Variants in R3HCC1L observed in about 807,000 individuals in gnomAD.
R3HCC1L encodes the protein R3H domain and coiled-coil containing 1 like, also known as coiled-coil domain-containing protein R3HCC1L.
In R3HCC1L, 51 loss-of-function variants were observed where a neutral mutation model predicts 59.9. The ratio of observed to expected loss-of-function variants is 0.85; its 90% CI spans 0.68 to 1.07. The LOEUF is 1.07. R3HCC1L is among the 50% of genes least tolerant of loss of function. R3HCC1L has a pLI of 0.00. For missense variants in R3HCC1L, 965 were observed against 933.0 expected, an observed-to-expected ratio of 1.03 and a Z score of -0.45; for synonymous variants, 322 against 315.2, an observed-to-expected ratio of 1.02 and a Z score of -0.23.
chr10:98,223,576 G>A (rs979856109), intron 5 of R3HCC1L, among the ~76,000 whole-genome samples: 3 of 151,810 alleles, frequency 2.0e-5, no homozygotes, highest in Admixed American at 6.6e-5. Flanking sequence ...GGTTGGGTCA[G>A]GCACTTTGGT....
At chr10:98,187,772 T>C (rs951393307) in intron 4 of R3HCC1L, among the ~76,000 whole-genome samples, 1 of 150,386 alleles carries the variant, frequency 6.6e-6, no homozygotes, top group Non-Finnish European at 1.5e-5. Context: ...GGTCTTGTTC[T>C]GTTCTCCAGG....
intron 6 of R3HCC1L, among the ~76,000 whole-genome samples, chr10:98,233,068 A>G (rs903499365): frequency 6.6e-6 from 1 of 152,240 alleles, no homozygotes; most frequent in Non-Finnish European, 1.5e-5. Flanking sequence ...ATCTAGTATC[A>G]GAACCTGTTC....
chr10:98,138,762 A>G (rs1031909423), intron 1 of R3HCC1L, among the ~76,000 whole-genome samples: 61 of 152,260 alleles, frequency 4.0e-4, no homozygotes, highest in African/African-American at 1.4e-3. Context: ...CTTTGGAGTC[A>G]AGACAGACCA....
At chr10:98,215,859 T>C (rs952331347) in intron 5 of R3HCC1L, among the ~76,000 whole-genome samples, 1 of 152,140 alleles carries the variant, frequency 6.6e-6, no homozygotes, top group African/African-American at 2.4e-5. Flanking sequence ...ATCCAACTAC[T>C]GAGTGTTAGG....
chr10:98,211,279 G>T, intron 5 of R3HCC1L: 1 of 1,380,622 alleles, frequency 7.2e-7, no homozygotes, highest in Admixed American at 2.0e-5. Flanking sequence ...ATTTAGCCCA[G>T]CAAACTGTCT....
intron 1 of R3HCC1L, among the ~76,000 whole-genome samples, chr10:98,153,075 A>G (rs552794366): frequency 6.6e-6 from 1 of 152,214 alleles, no homozygotes; most frequent in South Asian, 2.1e-4. Context: ...GGAAGTGAGG[A>G]GCCCCTATAC....
intron 5 of R3HCC1L, among the ~76,000 whole-genome samples, chr10:98,223,320 A>T (rs1427771486): frequency 6.6e-6 from 1 of 152,188 alleles, no homozygotes; most frequent in Non-Finnish European, 1.5e-5. Flanking sequence ...ATGCAGCAGC[A>T]CATCAAAAAG....
chr10:98,160,040 T>C (rs1202417500), intron 2 of R3HCC1L, among the ~76,000 whole-genome samples: 1 of 152,204 alleles, frequency 6.6e-6, no homozygotes, highest in Non-Finnish European at 1.5e-5. Context: ...CACTACAGGG[T>C]TTATTCTTTC....
At chr10:98,210,013 A>C in intron 5 of R3HCC1L, 114 bp downstream of exon 5, 1 of 776,510 alleles carries the variant, frequency 1.3e-6, no homozygotes. Flanking sequence ...CCTGCAATAA[A>C]CTAATAGGCT....
intron 4 of R3HCC1L, among the ~76,000 whole-genome samples, chr10:98,189,846 C>A (rs931969303): frequency 1.3e-5 from 2 of 152,198 alleles, no homozygotes; most frequent in African/African-American, 4.8e-5. Context: ...TTATATCACA[C>A]ACAAGTGCCT....
Position 98,168,288 on chromosome 10 carries a change from A to G in R3HCC1L, c.-15+4891A>G, listed in dbSNP as rs111537405. Reference sequence around the variant, plus strand: ...GAGGTGGTCAATAATAGGTGCTAACATTAAACTTGGAGCAGTTAAGTCGGT... The same window carrying G: ...GAGGTGGTCAATAATAGGTGCTAACGTTAAACTTGGAGCAGTTAAGTCGGT... On this transcript the variant is annotated intron_variant, in intron 4 of 9. Coordinates refer to ENST00000298999, the MANE Select transcript of R3HCC1L (RefSeq NM_001351015.2). Among the ~76,000 whole-genome samples, 603 of 152,264 alleles carry G rather than the reference A, an allele frequency of 4.0e-3. 2 individuals are homozygous for G. The highest frequency in any genetic ancestry group is 6.8e-3 in the Non-Finnish European group (461 of 68,012).
intron 6 of R3HCC1L, 56 bp downstream of exon 6, chr10:98,231,743 AT>A: frequency 6.9e-7 from 1 of 1,445,264 alleles, no homozygotes. Context: ...TCTTTAAAAA[AT>A]GTTTTCTGAG....
chr10:98,244,009 G>A, intron 9 of R3HCC1L, 82 bp from the exon 10 acceptor site: 1 of 1,246,134 alleles, frequency 8.0e-7, no homozygotes, highest in Non-Finnish European at 1.2e-6. Context: ...CATGACTAAA[G>A]TTTGCCTTGT....
intron 6 of R3HCC1L, 144 bp downstream of exon 6, chr10:98,231,831 T>C: frequency 7.6e-6 from 7 of 917,246 alleles, no homozygotes; most frequent in Non-Finnish European, 1.1e-5. Context: ...CCAGGTCCAG[T>C]AGAAATTTTC....
At chr10:98,225,059 A>AT (rs899572101) in intron 5 of R3HCC1L, among the ~76,000 whole-genome samples, 553 of 151,166 alleles carry the variant, frequency 3.7e-3, no homozygotes, top group Non-Finnish European at 6.2e-3. Flanking sequence ...TATTAAAGAC[A>AT]TTTTTTTTTG....
At chr10:98,216,563 T>G (rs1439655893) in intron 5 of R3HCC1L, among the ~76,000 whole-genome samples, 1 of 152,124 alleles carries the variant, frequency 6.6e-6, no homozygotes, top group Non-Finnish European at 1.5e-5. Context: ...TGGGTTTTTT[T>G]GTTCGTCTGT....
At chr10:98,140,918 T>G (rs1263491465) in intron 1 of R3HCC1L, among the ~76,000 whole-genome samples, 2 of 152,106 alleles carry the variant, frequency 1.3e-5, no homozygotes, top group Admixed American at 1.3e-4. Context: ...TATAACTTAC[T>G]ATAGAAAACA....
intron 2 of R3HCC1L, among the ~76,000 whole-genome samples, chr10:98,158,810 C>CTT (rs1297836513): frequency 1.3e-4 from 19 of 143,106 alleles, no homozygotes; most frequent in Non-Finnish European, 2.5e-4. Context: ...ATGACATTGA[C>CTT]TTTTTTTTTT....
chr10:98,223,288 C>T (rs1308027145), intron 5 of R3HCC1L, among the ~76,000 whole-genome samples: 2 of 152,084 alleles, frequency 1.3e-5, no homozygotes, highest in African/African-American at 4.8e-5. Flanking sequence ...GAAAAATCCT[C>T]AATAAAATAC....
Sources: gnomAD v4.1 joint callset for allele counts (sites outside exome capture counted in the v4.1 genomes callset) on GRCh38, gnomAD v4.1.1 for gene constraint, MANE v1.5 for transcripts, NCBI Gene and HGNC (gene_info 2026-07-23, HGNC 2026-07-21) for gene names.